TSHR: variants seen among roughly 807,000 people sequenced by gnomAD.
TSHR encodes the protein thyroid stimulating hormone receptor.
TSHR carries 51 observed loss-of-function variants against 64.1 expected under a neutral mutation model. That is an observed-to-expected ratio of 0.80 (90% CI 0.64 to 1.01). TSHR has a LOEUF of 1.01. Among genes scored for constraint, TSHR ranks in the 50% least tolerant of loss-of-function variants. The pLI is 0.00. For synonymous variants in TSHR, 361 were observed against 361.9 expected (o/e 1.00, Z 0.03); for missense variants, 877 against 942.8 (o/e 0.93, Z 0.91).
At chr14:81,086,416 G>A (rs907573668) in intron 3 of TSHR, among the ~76,000 whole-genome samples, 8 of 152,078 alleles carry the variant, frequency 5.3e-5, no homozygotes, top group African/African-American at 1.9e-4. Flanking sequence ...GAAAAAACCA[G>A]AGAGTTTTTT....
chr14:80,981,297 G>A (rs904493399), intron 1 of TSHR, among the ~76,000 whole-genome samples: 4 of 152,148 alleles, frequency 2.6e-5, no homozygotes, highest in Non-Finnish European at 5.9e-5. Context: ...AAGTTTATGG[G>A]CAAGGGCATG....
intron 1 of TSHR, among the ~76,000 whole-genome samples, chr14:80,965,163 T>C (rs1028728653): frequency 2.0e-5 from 3 of 152,140 alleles, no homozygotes; most frequent in African/African-American, 4.8e-5. Flanking sequence ...TGGGTTCATA[T>C]TGTTACTAAC....
intron 1 of TSHR, among the ~76,000 whole-genome samples, chr14:81,009,828 C>T (rs182217541): frequency 1.3e-5 from 2 of 152,140 alleles, no homozygotes; most frequent in East Asian, 1.9e-4. Flanking sequence ...GCAAAGGTTG[C>T]TAGACTGAAC....
At chr14:81,126,597 T>C (rs895133413) in intron 8 of TSHR, among the ~76,000 whole-genome samples, 3 of 152,186 alleles carry the variant, frequency 2.0e-5, no homozygotes, top group Non-Finnish European at 2.9e-5. Flanking sequence ...TGGTAGAACA[T>C]AAAAGAATTT....
intron 1 of TSHR, among the ~76,000 whole-genome samples, chr14:81,048,299 G>T (rs1176272934): frequency 6.6e-6 from 1 of 152,056 alleles, no homozygotes; most frequent in Non-Finnish European, 1.5e-5. Flanking sequence ...CTTCCAATAA[G>T]GTCGTTTTGT....
chr14:81,077,997 G>T (rs1290687710), intron 3 of TSHR, among the ~76,000 whole-genome samples: 1 of 150,976 alleles, frequency 6.6e-6, no homozygotes, highest in Non-Finnish European at 1.5e-5. Flanking sequence ...TCATGCTATT[G>T]TTGTCATATA....
chr14:80,957,436 C>T (rs543203628), intron 1 of TSHR, among the ~76,000 whole-genome samples: 2 of 151,090 alleles, frequency 1.3e-5, no homozygotes, highest in Non-Finnish European at 2.9e-5. Context: ...ATTCCTGAAA[C>T]CCTGGAACTA....
At chr14:81,107,157 G>A (rs1889948383) in intron 7 of TSHR, 1 of 152,108 alleles carries the variant, frequency 6.6e-6, no homozygotes, top group South Asian at 2.1e-4. Context: ...AGTTAACCAG[G>A]AGGGAAGTTT....
At chr14:81,141,241 C>T (rs1373268862) in intron 9 of TSHR, among the ~76,000 whole-genome samples, 2 of 152,186 alleles carry the variant, frequency 1.3e-5, no homozygotes, top group Non-Finnish European at 2.9e-5. Flanking sequence ...TACACTGATG[C>T]CATGCGGCAT....
chr14:81,075,117 G>A (rs1435513460), intron 3 of TSHR, among the ~76,000 whole-genome samples: 1 of 152,194 alleles, frequency 6.6e-6, no homozygotes, highest in South Asian at 2.1e-4. Flanking sequence ...ACCAATCACC[G>A]AGTTTCAGCC....
At chr14:81,021,229 C>G (rs555444771) in intron 1 of TSHR, among the ~76,000 whole-genome samples, 12 of 152,084 alleles carry the variant, frequency 7.9e-5, no homozygotes, top group African/African-American at 2.4e-4. Flanking sequence ...AGGTTGGGAA[C>G]CGCTGCTCTA....
At chr14:81,007,034 T>C (rs1317121731) in intron 1 of TSHR, among the ~76,000 whole-genome samples, 1 of 152,222 alleles carries the variant, frequency 6.6e-6, no homozygotes, top group Non-Finnish European at 1.5e-5. Flanking sequence ...CCAGATGCTA[T>C]CCAGGATACC....
intron 1 of TSHR, among the ~76,000 whole-genome samples, chr14:81,027,361 GAC>G (rs1475135496): frequency 6.6e-6 from 1 of 151,664 alleles, no homozygotes; most frequent in African/African-American, 2.4e-5. Context: ...AGAATTAAAG[GAC>G]ACACAATATT....
At position 81,019,622 on chromosome 14, in the gene TSHR, C is replaced by G. The variant is rs200065574; in HGVS notation, c.171-42526C>G. ...TATCCCTCCCCTAGCCTCCCACCCC[C>G]CAACAGGCCCCGGTGTGTGATGTTC... is the stretch of plus-strand genomic sequence containing the variant. On this transcript the variant is annotated intron_variant, in intron 1 of 9. Transcript: ENST00000298171. Among the ~76,000 whole-genome samples the G allele has an allele frequency of 1.5e-4, 23 of 151,900 alleles. No individual in the cohort carries two copies. The East Asian group carries it at 2.7e-3, about 18-fold the overall frequency.
At chr14:81,073,267 G>C (rs1483374890) in intron 3 of TSHR, among the ~76,000 whole-genome samples, 2 of 151,156 alleles carry the variant, frequency 1.3e-5, no homozygotes, top group African/African-American at 2.4e-5. Context: ...CATACTGAGA[G>C]CTTATTTTAA....
chr14:81,088,029 G>A lies in TSHR; in HGVS notation c.392+1G>A, dbSNP rs751583621. 1.9e-6 allele frequency: 3 copies of A among 1,611,560 alleles called. No homozygotes were observed. The highest frequency in any genetic ancestry group is 2.5e-6 in the Non-Finnish European group (3 of 1,177,728). ...AAGAGCTCCCCCTCCTAAAGTTCCT[G>A]TAAGTATTAAATCCTCTCCCATCCT... On this transcript the variant is annotated splice_donor_variant, in intron 4 of 9. Coordinates refer to ENST00000298171, the MANE Select transcript of TSHR (RefSeq NM_000369.5). LOFTEE classifies it high-confidence loss of function.
chr14:81,083,973 T>C (rs1216288302), intron 3 of TSHR, among the ~76,000 whole-genome samples: 1 of 152,162 alleles, frequency 6.6e-6, no homozygotes, highest in Admixed American at 6.5e-5. Flanking sequence ...GAGAACAGCA[T>C]GGGGGAAGCA....
At chr14:80,986,309 TAGAG>T (rs1194865181) in intron 1 of TSHR, among the ~76,000 whole-genome samples, 3 of 152,044 alleles carry the variant, frequency 2.0e-5, no homozygotes, top group South Asian at 2.1e-4. Flanking sequence ...AAAATACAGA[TAGAG>T]AGAGATAGAT....
intron 1 of TSHR, among the ~76,000 whole-genome samples, chr14:80,988,360 G>C (rs550439620): frequency 3.2e-4 from 49 of 152,280 alleles, no homozygotes; most frequent in African/African-American, 1.1e-3. Flanking sequence ...AGGTGAAGGG[G>C]AAGTAGGTGT....
Sources: allele counts gnomAD v4.1 joint callset (sites outside exome capture counted in the v4.1 genomes callset), GRCh38; gene constraint gnomAD v4.1.1; transcripts MANE v1.5; gene names NCBI Gene and HGNC (gene_info 2026-07-23, HGNC 2026-07-21).